The following ANKRD28 variants were observed in gnomAD, a reference collection of about 807,000 sequenced individuals.
ANKRD28 encodes ankyrin repeat domain 28, also known as serine/threonine-protein phosphatase 6 regulatory ankyrin repeat subunit A.
Under a neutral mutation model 126.5 loss-of-function variants are expected in ANKRD28, and 44 were observed. The ratio of observed to expected loss-of-function variants is 0.35; its 90% CI spans 0.27 to 0.45. The LOEUF (loss-of-function observed/expected upper bound fraction) is 0.45, where lower values mean the gene tolerates loss of function less well. ANKRD28 is among the 20% of genes least tolerant of loss of function. The pLI is 1.00. For synonymous variants in ANKRD28, 442 were observed against 468.5 expected (o/e 0.94, Z 0.73); for missense variants, 1,110 against 1,316.6 (o/e 0.84, Z 2.43).
rs189307656 is a variant in ANKRD28 at position 15,827,267 on chromosome 3, T to C, written c.28-31961A>G. Reference sequence around the variant, plus strand: ...ATGATCCAGTAATCCCACTACAGGGTATATAACCAAAAGAAATGAAAGCAG... The same window carrying C: ...ATGATCCAGTAATCCCACTACAGGGCATATAACCAAAAGAAATGAAAGCAG... On this transcript the variant is annotated intron_variant, in intron 1 of 27. Transcript: ENST00000399451. Among the ~76,000 whole-genome samples, 9 of 152,190 alleles carry C rather than the reference T, an allele frequency of 5.9e-5. No individual in the cohort carries two copies. In the East Asian group the frequency reaches 1.7e-3, roughly 29 times the overall value.
In ANKRD28 at chr3:15,814,502, A is replaced by ATATT. The variant is rs1559567184; in HGVS notation, c.28-19197_28-19196insAATA. Among the ~76,000 whole-genome samples the ATATT allele has an allele frequency of 3.3e-5, 5 of 152,316 alleles. No individual in the cohort carries two copies. The highest frequency in any genetic ancestry group is 1.2e-4 in the African/African-American group (5 of 41,574). On this transcript the variant is annotated intron_variant, in intron 1 of 27. Coordinates refer to the ANKRD28 transcript ENST00000399451. The surrounding 1 kb of genome is among the most constrained non-coding windows in gnomAD (Gnocchi z 4.7). ...AAGAAAAAAAATACTAATCTGGGCA[A>ATATT]CAAAACATTTTTTAAAGGCTTTCTT...
intron 1 of ANKRD28, among the ~76,000 whole-genome samples, chr3:15,840,681 C>G (rs1177978834): frequency 1.3e-5 from 2 of 152,160 alleles, no homozygotes; most frequent in African/African-American, 4.8e-5. Context: ...ATGGTATTAG[C>G]ATAAAAAGAC....
Position 15,771,521 on chromosome 3 carries a change from G to C in ANKRD28, c.202-5209C>G, listed in dbSNP as rs929795163. On this transcript the variant is annotated intron_variant, in intron 2 of 27. Transcript: ENST00000683139. ...GAGCAGGGGTGTCACAAGGTGAAGAGAGTGATCAAGAGAGAGAAGAGGGGG... is the reference window on the plus strand; with the variant it reads ...GAGCAGGGGTGTCACAAGGTGAAGACAGTGATCAAGAGAGAGAAGAGGGGG... Among the ~76,000 whole-genome samples, 4 of 152,170 alleles carry C rather than the reference G, an allele frequency of 2.6e-5. No homozygotes were observed. In the East Asian group the frequency reaches 7.7e-4, roughly 29 times the overall value.
At chr3:15,680,075 T>G (rs2067378417) in intron 21 of ANKRD28, among the ~76,000 whole-genome samples, 1 of 152,186 alleles carries the variant, frequency 6.6e-6, no homozygotes, top group South Asian at 2.1e-4. Flanking sequence ...AAACCAATCC[T>G]CAACAGCAAA....
chr3:15,821,418 T>C (rs757550725), intron 1 of ANKRD28, among the ~76,000 whole-genome samples: 2 of 152,220 alleles, frequency 1.3e-5, no homozygotes, highest in Non-Finnish European at 2.9e-5. Flanking sequence ...TCCTTACTTT[T>C]AAACACAATA....
At chr3:15,811,103 A>T (rs1471238158) in intron 1 of ANKRD28, among the ~76,000 whole-genome samples, 1 of 152,206 alleles carries the variant, frequency 6.6e-6, no homozygotes, top group East Asian at 1.9e-4. Flanking sequence ...AACCCTACAA[A>T]GAACAGAAAA....
intron 2 of ANKRD28, among the ~76,000 whole-genome samples, chr3:15,793,472 A>AT (rs983554787): frequency 6.6e-6 from 1 of 151,806 alleles, no homozygotes; most frequent in African/African-American, 2.4e-5. Context: ...ATGACTCTGA[A>AT]TTTTTTTTTA....
At chr3:15,859,272 GC>G in intron 1 of ANKRD28, 7 of 1,463,566 alleles carry the variant, frequency 4.8e-6, no homozygotes, top group Non-Finnish European at 5.4e-6. Context: ...CGTTTCCCTC[GC>G]AACCACCCCG....
intron 14 of ANKRD28, among the ~76,000 whole-genome samples, chr3:15,704,509 C>T (rs1027717521): frequency 6.6e-6 from 1 of 151,948 alleles, no homozygotes; most frequent in African/African-American, 2.4e-5. Context: ...TTTTAAAAAA[C>T]CATTTAAAAA....
chr3:15,751,437 G>GT (rs1559470898), intron 4 of ANKRD28, among the ~76,000 whole-genome samples: 5 of 152,138 alleles, frequency 3.3e-5, no homozygotes, highest in African/African-American at 1.2e-4. Context: ...TGAAACCTTT[G>GT]TAAGAGACTA....
chr3:15,795,383 A>ACTG, intron 1 of ANKRD28, 77 bp from the exon 2 acceptor site: 1 of 1,017,224 alleles, frequency 9.8e-7, no homozygotes, highest in Non-Finnish European at 1.5e-6. Context: ...TAGTTCTGGA[A>ACTG]TCTACAAGTT....
At chr3:15,792,479 T>C (rs2060077499) in intron 2 of ANKRD28, among the ~76,000 whole-genome samples, 1 of 151,978 alleles carries the variant, frequency 6.6e-6, no homozygotes. Context: ...AAAACAAACA[T>C]CACATGTTCT....
intron 2 of ANKRD28, among the ~76,000 whole-genome samples, chr3:15,782,954 G>A (rs1253964457): frequency 6.6e-6 from 1 of 151,956 alleles, no homozygotes; most frequent in Non-Finnish European, 1.5e-5. Context: ...CCTTTTCAGT[G>A]GATTTGTTGA....
chr3:15,859,282 C>T, intron 1 of ANKRD28: 2 of 1,485,368 alleles, frequency 1.3e-6, no homozygotes, highest in Non-Finnish European at 1.8e-6. Context: ...GCAACCACCC[C>T]GCCGAGCGGG....
At chr3:15,758,776 A>G (rs991823283) in intron 3 of ANKRD28, among the ~76,000 whole-genome samples, 1 of 152,206 alleles carries the variant, frequency 6.6e-6, no homozygotes, top group African/African-American at 2.4e-5. Flanking sequence ...ACTTTGTTAC[A>G]GCAGCCCCAC....
chr3:15,821,124 T>C lies in ANKRD28; in HGVS notation c.28-25818A>G, dbSNP rs140380098. 3.8e-3 allele frequency among the ~76,000 whole-genome samples: 571 copies of C among 152,256 alleles called. 6 individuals are homozygous for C. Among genetic ancestry groups the C allele is most frequent in the African/African-American group, 0.013 (551 of 41,558 alleles). On this transcript the variant is annotated intron_variant, in intron 1 of 27. Transcript: ENST00000399451. ...CAGTAGCATAACTCATTCCCCTAAA[T>C]TGTGATGACCAGAAATATTTCCAGA...
At chr3:15,789,781 GAATATAT>G (rs2059943050) in intron 2 of ANKRD28, among the ~76,000 whole-genome samples, 1 of 151,724 alleles carries the variant, frequency 6.6e-6, no homozygotes, top group African/African-American at 2.4e-5. Context: ...CAAATAATAT[GAATATAT>G]AATTTTTTAA....
intron 4 of ANKRD28, among the ~76,000 whole-genome samples, chr3:15,748,369 T>A (rs1433271755): frequency 6.6e-6 from 1 of 152,238 alleles, no homozygotes; most frequent in Non-Finnish European, 1.5e-5. Context: ...TTTTAGCAGT[T>A]CTTGTAGCGC....
In ANKRD28 at chr3:15,816,717, A is replaced by T. The variant is rs2060838840; in HGVS notation, c.28-21411T>A. On this transcript the variant is annotated intron_variant, in intron 1 of 27. Coordinates refer to the ANKRD28 transcript ENST00000399451. This position sits in a 1 kb window ranked among gnomAD's most constrained non-coding sequence, Gnocchi z 5.0. Reference sequence around the variant, plus strand: ...TAAGAGCATCTTTTCATATAAAATTATCAAAGTATGTCAATCGTCTCAATT... The same window carrying T: ...TAAGAGCATCTTTTCATATAAAATTTTCAAAGTATGTCAATCGTCTCAATT... Among the ~76,000 whole-genome samples the T allele has an allele frequency of 6.6e-6, 1 of 152,236 alleles. No individual in the cohort carries two copies. The highest frequency in any genetic ancestry group is 1.5e-5 in the Non-Finnish European group (1 of 68,038).
Sources: gnomAD v4.1 joint callset for allele counts (sites outside exome capture counted in the v4.1 genomes callset) on GRCh38, gnomAD v4.1.1 for gene constraint, Gnocchi (gnomAD v3.1) non-coding constraint, MANE v1.5 for transcripts, NCBI Gene and HGNC (gene_info 2026-07-23, HGNC 2026-07-21) for gene names.